Variants in SLC38A12 observed in about 807,000 individuals in gnomAD.
SLC38A12 encodes the protein putative sodium-coupled neutral amino acid transporter 12.
chr17:74,829,050 A>G, the SLC38A12 span, among the ~76,000 whole-genome samples: 2 of 152,342 alleles, frequency 1.3e-5, no homozygotes, highest in East Asian at 1.9e-4. The surrounding 1 kb of genome is among the most constrained non-coding windows in gnomAD (Gnocchi z 4.1). Context: ...AATACTTAAC[A>G]TATCAAAAAT....
At chr17:74,798,069 C>T in the SLC38A12 span, among the ~76,000 whole-genome samples, 2 of 152,206 alleles carry the variant, frequency 1.3e-5, no homozygotes, top group African/African-American at 4.8e-5. Context: ...AGCAAGGCAG[C>T]GAGCAGGTCG....
the SLC38A12 span, among the ~76,000 whole-genome samples, chr17:74,825,111 T>C: frequency 2.6e-5 from 4 of 152,266 alleles, no homozygotes; most frequent in South Asian, 2.1e-4. Flanking sequence ...AACTAGTGCC[T>C]CTCAGAGGTC....
chr17:74,780,857 C>T, the SLC38A12 span, among the ~76,000 whole-genome samples: 1 of 152,224 alleles, frequency 6.6e-6, no homozygotes, highest in Admixed American at 6.5e-5. Flanking sequence ...CTGCTCCCAA[C>T]TGCCAATAGT....
the SLC38A12 span, among the ~76,000 whole-genome samples, chr17:74,834,629 A>G: frequency 6.6e-6 from 1 of 152,130 alleles, no homozygotes; most frequent in African/African-American, 2.4e-5. Context: ...CCCACCTGCA[A>G]AAGAGCCCTG....
At chr17:74,836,507 C>A in the SLC38A12 span, 1 of 1,612,260 alleles carries the variant, frequency 6.2e-7, no homozygotes, top group Non-Finnish European at 8.5e-7. This position sits in a 1 kb window ranked among gnomAD's most constrained non-coding sequence, Gnocchi z 4.2. Context: ...AGTACGTCAT[C>A]CCCGCCTTCC....
At chr17:74,791,117 C>A in the SLC38A12 span, 1 of 1,271,922 alleles carries the variant, frequency 7.9e-7, no homozygotes, top group Non-Finnish European at 1.1e-6. Flanking sequence ...GTAATGAGGG[C>A]TCCACCCTGA....
the SLC38A12 span, chr17:74,839,741 C>G: frequency 6.6e-6 from 1 of 152,534 alleles, no homozygotes; most frequent in African/African-American, 2.4e-5. Context: ...CTCAATAAAG[C>G]TATTCAGTGA....
the SLC38A12 span, among the ~76,000 whole-genome samples, chr17:74,784,079 G>A: frequency 6.6e-6 from 1 of 151,984 alleles, no homozygotes; most frequent in Non-Finnish European, 1.5e-5. Flanking sequence ...GGGAGAATGG[G>A]CACCAATTTT....
the SLC38A12 span, among the ~76,000 whole-genome samples, chr17:74,829,721 G>C: frequency 6.6e-6 from 1 of 152,082 alleles, no homozygotes; most frequent in Non-Finnish European, 1.5e-5. This position sits in a 1 kb window ranked among gnomAD's most constrained non-coding sequence, Gnocchi z 4.1. Flanking sequence ...CAGAGCGGAG[G>C]TAGGGGCTCC....
chr17:74,838,873 T>C, the SLC38A12 span: 4 of 1,533,596 alleles, frequency 2.6e-6, no homozygotes, highest in Admixed American at 2.0e-5. Context: ...CAGCTTGTGG[T>C]TTCCATTTTG....
the SLC38A12 span, among the ~76,000 whole-genome samples, chr17:74,815,631 C>T: frequency 6.6e-6 from 1 of 152,188 alleles, no homozygotes; most frequent in Non-Finnish European, 1.5e-5. Context: ...CACGCAGAGT[C>T]GGAGCCTTTC....
the SLC38A12 span, among the ~76,000 whole-genome samples, chr17:74,814,315 A>C: frequency 6.7e-6 from 1 of 148,992 alleles, no homozygotes; most frequent in Non-Finnish European, 1.5e-5. Flanking sequence ...TCCTGTGGGG[A>C]TCTTGGAGAT....
the SLC38A12 span, chr17:74,795,162 A>G: frequency 6.7e-7 from 1 of 1,488,020 alleles, no homozygotes; most frequent in Non-Finnish European, 9.4e-7. Context: ...GGGCTTCCTC[A>G]GCAAGTCAGG....
chr17:74,817,050 C>T, the SLC38A12 span, among the ~76,000 whole-genome samples: 7 of 139,378 alleles, frequency 5.0e-5, no homozygotes, highest in Non-Finnish European at 9.3e-5. Context: ...GCGGCCACAC[C>T]GTGGCGTGGC....
chr17:74,829,657 C>T, the SLC38A12 span, among the ~76,000 whole-genome samples: 2 of 152,212 alleles, frequency 1.3e-5, no homozygotes, highest in Admixed American at 6.5e-5. The surrounding 1 kb of genome is among the most constrained non-coding windows in gnomAD (Gnocchi z 4.1). Flanking sequence ...GCCACCAAGA[C>T]GGACTCAGTG....
At chr17:74,799,560 C>G in the SLC38A12 span, among the ~76,000 whole-genome samples, 1 of 152,188 alleles carries the variant, frequency 6.6e-6, no homozygotes, top group Non-Finnish European at 1.5e-5. Context: ...CAAGCTCCCT[C>G]CGGACACCCC....
chr17:74,815,905 A>G, the SLC38A12 span, among the ~76,000 whole-genome samples: 1 of 152,184 alleles, frequency 6.6e-6, no homozygotes, highest in African/African-American at 2.4e-5. Flanking sequence ...AACAGGCACA[A>G]GTGTCAGTAC....
chr17:74,837,829 T>A, the SLC38A12 span: 6 of 985,914 alleles, frequency 6.1e-6, no homozygotes, highest in East Asian at 6.8e-4. Context: ...ACGTGCCTTC[T>A]ACTGCTTCAG....
the SLC38A12 span, chr17:74,785,509 A>G: frequency 1.9e-6 from 3 of 1,614,012 alleles, no homozygotes; most frequent in Middle Eastern, 1.7e-4. Flanking sequence ...GTTTAACCTC[A>G]TCGTGGGCAC....
Sources: gnomAD v4.1 joint callset for allele counts (sites outside exome capture counted in the v4.1 genomes callset) on GRCh38, gnomAD v4.1.1 for gene constraint, Gnocchi (gnomAD v3.1) non-coding constraint, MANE v1.5 for transcripts, NCBI Gene and HGNC (gene_info 2026-07-23, HGNC 2026-07-21) for gene names.